RNF19A: variants seen among roughly 807,000 people sequenced by gnomAD.
RNF19A encodes the protein ring finger protein 19A, RBR E3 ubiquitin protein ligase.
In RNF19A, 32 loss-of-function variants were observed where a neutral mutation model predicts 75.7. The observed-to-expected ratio is 0.42, with a 90% CI of 0.32 to 0.57. The LOEUF is 0.57. Ranked by LOEUF, RNF19A falls within the 20% of genes least tolerant of loss-of-function variation. The pLI, the probability that RNF19A is intolerant of heterozygous loss-of-function variation, is 0.10. For synonymous variants in RNF19A, 335 were observed against 345.2 expected, an observed-to-expected ratio of 0.97 and a Z score of 0.33; for missense variants, 782 against 1,036.3, an observed-to-expected ratio of 0.75 and a Z score of 3.37.
chr8:100,269,368 G>GA lies in RNF19A; in HGVS notation c.1029-422dup, dbSNP rs1820145403. On this transcript the variant is annotated intron_variant, in intron 4 of 9. Coordinates refer to ENST00000341084, the MANE Select transcript of RNF19A (RefSeq NM_183419.4). This position sits in a 1 kb window ranked among gnomAD's most constrained non-coding sequence, Gnocchi z 5.7. ...AAATTTATGTATGGGAAAATTCAAT[G>GA]AAGTATAAGGTAAGAACCACTGTAA... is the stretch of plus-strand genomic sequence containing the variant. Among the ~76,000 whole-genome samples, 1 of 149,484 alleles carries GA rather than the reference G, an allele frequency of 6.7e-6. No individual in the cohort carries two copies. The highest frequency in any genetic ancestry group is 2.0e-4 in the East Asian group (1 of 5,084).
In RNF19A at chr8:100,269,572, T is replaced by G. The variant is rs541138816; in HGVS notation, c.1028+297A>C. Among the ~76,000 whole-genome samples, 1 of 152,242 alleles carries G rather than the reference T, an allele frequency of 6.6e-6. No homozygotes were observed. Among genetic ancestry groups the G allele is most frequent in the African/African-American group, 2.4e-5 (1 of 41,566 alleles). On this transcript the variant is annotated intron_variant, in intron 4 of 9. Transcript: ENST00000341084. This position sits in a 1 kb window ranked among gnomAD's most constrained non-coding sequence, Gnocchi z 5.7. ...TCACTCTGTGCCTAAATGATAAAAT[T>G]TATGTATGGGAAAATTAAATGAAAG...
rs1819665542 is a variant in RNF19A, at chr8:100,260,575, T to C, written c.1683-578A>G. 6.6e-6 allele frequency among the ~76,000 whole-genome samples: 1 copy of C among 152,084 alleles called. No homozygotes were observed. Among genetic ancestry groups the C allele is most frequent in the South Asian group, 2.1e-4 (1 of 4,828 alleles). Reference sequence around the variant, plus strand: ...ATGAGCCACTGAGCCCAACCAACATTTGCCTTTTTAAAAAGAGGTAGTATA... The same window carrying C: ...ATGAGCCACTGAGCCCAACCAACATCTGCCTTTTTAAAAAGAGGTAGTATA... On this transcript the variant is annotated intron_variant, in intron 8 of 9. Transcript: ENST00000341084. The surrounding 1 kb of genome is among the most constrained non-coding windows in gnomAD (Gnocchi z 4.1).
At chr8:100,283,394 A>T (rs1285798882) in intron 2 of RNF19A, among the ~76,000 whole-genome samples, 1 of 152,148 alleles carries the variant, frequency 6.6e-6, no homozygotes, top group Non-Finnish European at 1.5e-5. Flanking sequence ...TTTCTCCCTA[A>T]CTATGGCTGG....
At chr8:100,335,002 A>G (rs950554132) in intron 1 of RNF19A, among the ~76,000 whole-genome samples, 3 of 152,246 alleles carry the variant, frequency 2.0e-5, no homozygotes, top group African/African-American at 7.2e-5. Context: ...CTGTTGTTAT[A>G]CAGTTAAGCA....
intron 1 of RNF19A, among the ~76,000 whole-genome samples, chr8:100,297,217 A>C (rs1586667030): frequency 6.6e-6 from 1 of 152,236 alleles, no homozygotes; most frequent in East Asian, 1.9e-4. Context: ...CCAATGTGAA[A>C]GAAAGCAATG....
intron 2 of RNF19A, among the ~76,000 whole-genome samples, chr8:100,283,528 T>C (rs1353568017): frequency 6.6e-6 from 1 of 152,098 alleles, no homozygotes; most frequent in Non-Finnish European, 1.5e-5. Context: ...TTTTTAGAAA[T>C]ACCGTCCTTC....
chr8:100,294,111 A>G (rs1302606852), intron 1 of RNF19A, among the ~76,000 whole-genome samples: 1 of 152,206 alleles, frequency 6.6e-6, no homozygotes, highest in African/African-American at 2.4e-5. Context: ...TTGACATGGA[A>G]TGAAGCATAT....
intron 1 of RNF19A, chr8:100,309,176 T>G: frequency 5.7e-6 from 2 of 348,498 alleles, no homozygotes; most frequent in South Asian, 1.1e-4. Context: ...CCCTAAAGGC[T>G]TAGCACGGGG....
intron 2 of RNF19A, among the ~76,000 whole-genome samples, chr8:100,277,196 T>C (rs1016439333): frequency 6.6e-6 from 1 of 152,220 alleles, no homozygotes; most frequent in Non-Finnish European, 1.5e-5. Flanking sequence ...GTCAATAAAA[T>C]TTAAGTAATA....
rs1017801650 is a variant in RNF19A at position 100,324,618 on chromosome 8, A to G, written c.-242-11246T>C. ...CTGTTTTCTTTTAATTAGGCTTCTAACATACATTTGCATTGATTTTTCACA... is the reference window on the plus strand; with the variant it reads ...CTGTTTTCTTTTAATTAGGCTTCTAGCATACATTTGCATTGATTTTTCACA... On this transcript the variant is annotated intron_variant, in intron 1 of 3. Transcript: ENST00000519527. The surrounding 1 kb of genome is among the most constrained non-coding windows in gnomAD (Gnocchi z 4.2). Among the ~76,000 whole-genome samples the G allele has an allele frequency of 6.6e-6, 1 of 152,206 alleles. No individual in the cohort carries two copies. Among genetic ancestry groups the G allele is most frequent in the Non-Finnish European group, 1.5e-5 (1 of 68,032 alleles).
At chr8:100,276,728 A>G (rs2029996930) in intron 2 of RNF19A, among the ~76,000 whole-genome samples, 1 of 151,308 alleles carries the variant, frequency 6.6e-6, no homozygotes, top group Admixed American at 6.6e-5. Context: ...TGTACCAAAA[A>G]AAAAAAAAAA....
chr8:100,261,838 G>A lies in RNF19A; in HGVS notation c.1469-83C>T. ...TAAATTCCTCCATGATTTCAGAGAG[G>A]ACATTATATAAGGTATAAAATATAC... On this transcript the variant is annotated intron_variant, in intron 7 of 9. Coordinates refer to ENST00000341084, the MANE Select transcript of RNF19A (RefSeq NM_183419.4). This position sits in a 1 kb window ranked among gnomAD's most constrained non-coding sequence, Gnocchi z 4.4. 1 of 1,358,656 alleles carries A rather than the reference G, an allele frequency of 7.4e-7. No individual in the cohort carries two copies. Among genetic ancestry groups the A allele is most frequent in the Non-Finnish European group, 1.1e-6 (1 of 951,094 alleles). 84.2% of individuals were successfully genotyped at this position (1,358,656 alleles called of 1,614,324 possible). A position where few individuals can be genotyped will look rare whatever the true frequency, so the allele number is the denominator to read the frequency against.
chr8:100,316,478 C>T (rs550205049), intron 1 of RNF19A, among the ~76,000 whole-genome samples: 3 of 152,218 alleles, frequency 2.0e-5, no homozygotes, highest in South Asian at 4.2e-4. Context: ...CCTTTACAAT[C>T]CCTGAGCTAG....
chr8:100,308,480 TTCAG>T (rs1255678221), intron 1 of RNF19A, among the ~76,000 whole-genome samples: 2 of 152,296 alleles, frequency 1.3e-5, no homozygotes, highest in East Asian at 3.9e-4. Context: ...ATTCAGATAG[TTCAG>T]TCAGTGTTAA....
intron 7 of RNF19A, among the ~76,000 whole-genome samples, chr8:100,263,753 T>C (rs1265384970): frequency 2.0e-5 from 3 of 152,168 alleles, no homozygotes; most frequent in African/African-American, 2.4e-5. Flanking sequence ...TCATATCCTT[T>C]ACTTAGTTAT....
At position 100,258,906 on chromosome 8, in the gene RNF19A, A is replaced by G. The variant is rs1819578865; in HGVS notation, c.2167T>C (p.Ser723Pro). The G allele has an allele frequency of 6.2e-7, 1 of 1,614,082 alleles. No homozygotes were observed. The highest frequency in any genetic ancestry group is 8.5e-7 in the Non-Finnish European group (1 of 1,180,034). ...LSDSMPSVAD[S>P]HSSHFSEFSC... ...AATTCAGAAAAATGACTAGAGTGAG[A>G]ATCTGCTACAGAAGGCATACTGTCA... The change falls in exon 10 of 10, where the codon TCT (serine) becomes CCT (proline). Residue 723 changes from serine (S) to proline (P), a missense_variant. Ser to Pro is a moderately conservative substitution (Grantham distance 74). Coordinates refer to ENST00000341084, the MANE Select transcript of RNF19A (RefSeq NM_183419.4). The surrounding 1 kb of genome is among the most constrained non-coding windows in gnomAD (Gnocchi z 4.3).
chr8:100,304,152 G>T (rs1269737378), intron 1 of RNF19A, among the ~76,000 whole-genome samples: 1 of 151,954 alleles, frequency 6.6e-6, no homozygotes, highest in Non-Finnish European at 1.5e-5. Flanking sequence ...AGTAGAGACA[G>T]GGTTTCACCA....
Position 100,259,802 on chromosome 8 carries a change from TATTCCTTTAATTTAAAAA to T in RNF19A, c.1826+34_1826+51del, listed in dbSNP as rs1226648059. On this transcript the variant is annotated intron_variant, in intron 9 of 9. Coordinates refer to ENST00000341084, the MANE Select transcript of RNF19A (RefSeq NM_183419.4). The surrounding 1 kb of genome is among the most constrained non-coding windows in gnomAD (Gnocchi z 4.5). ...TGGTAATTTGTCTAATGATAGGAAT[TATTCCTTTAATTTAAAAA>T]ATACTTTCAATTTTTTAACAGTTTT... 2.7e-6 allele frequency: 4 copies of T among 1,492,934 alleles called. No individual in the cohort carries two copies. In the East Asian group the frequency reaches 7.1e-5, roughly 27 times the overall value. 92.5% of individuals were successfully genotyped at this position (1,492,934 alleles called of 1,614,324 possible).
Position 100,261,473 on chromosome 8 carries a change from C to G in RNF19A, c.1682+69G>C, listed in dbSNP as rs973518686. The G allele has an allele frequency of 1.5e-6, 2 of 1,299,762 alleles. No homozygotes were observed. Among genetic ancestry groups the G allele is most frequent in the Non-Finnish European group, 2.2e-6 (2 of 899,596 alleles). 80.5% of individuals were successfully genotyped at this position (1,299,762 alleles called of 1,614,324 possible). On this transcript the variant is annotated intron_variant, in intron 8 of 9. Transcript: ENST00000341084. This position sits in a 1 kb window ranked among gnomAD's most constrained non-coding sequence, Gnocchi z 4.4. ...ATATATAATCATCATGCTTTATGTT[C>G]AAAATTCTCACCTAATTAATAATTT...
Sources: gnomAD v4.1 joint callset for allele counts (sites outside exome capture counted in the v4.1 genomes callset) on GRCh38, gnomAD v4.1.1 for gene constraint, Gnocchi (gnomAD v3.1) non-coding constraint, MANE v1.5 for transcripts, NCBI Gene and HGNC (gene_info 2026-07-23, HGNC 2026-07-21) for gene names.